Variants in TNRC18 observed in about 807,000 individuals in gnomAD.
TNRC18 encodes trinucleotide repeat containing 18, also known as trinucleotide repeat-containing gene 18 protein.
A neutral mutation model predicts 226.7 loss-of-function variants in TNRC18; 69 were observed. The observed-to-expected ratio is 0.30, with a 90% CI of 0.25 to 0.37. The LOEUF (loss-of-function observed/expected upper bound fraction) is 0.37, where lower values mean the gene tolerates loss of function less well. Among genes scored for constraint, TNRC18 ranks in the 10% least tolerant of loss-of-function variants. The pLI is 1.00. For missense variants in TNRC18, 4,754 were observed against 4,256.6 expected (o/e 1.12, Z -3.25); for synonymous variants, 2,449 against 1,927.6 (o/e 1.27, Z -7.09).
chr7:5,361,834 C>T (rs1053544565), intron 13 of TNRC18, 63 bp downstream of exon 13: 70 of 1,508,108 alleles, frequency 4.6e-5, no homozygotes, highest in East Asian at 2.5e-5. Flanking sequence ...ACGGCTGCTG[C>T]GCGCCTGGGG....
chr7:5,405,399 T>C (rs1045607973), intron 2 of TNRC18, among the ~76,000 whole-genome samples: 6 of 152,066 alleles, frequency 3.9e-5, no homozygotes, highest in African/African-American at 1.2e-4. Context: ...TAAAACCCTG[T>C]CTCTACTAAA....
chr7:5,310,216 A>T (rs1787035214), intron 27 of TNRC18, among the ~76,000 whole-genome samples: 1 of 140,190 alleles, frequency 7.1e-6, no homozygotes, highest in Non-Finnish European at 1.5e-5. Flanking sequence ...TTTATCTTTT[A>T]AAAAATAGTT....
chr7:5,371,216 G>C lies in TNRC18; in HGVS notation c.3378C>G (p.Leu1126=), dbSNP rs201047564. The change falls in exon 11 of 30, where the codon CTC becomes CTG. Residue 1126 remains leucine (L), a synonymous_variant. Transcript: ENST00000430969. ...LPADGPERLA[L]SPEDKPIRLS... ...AGCGGATGGGCTTGTCTTCGGGTGA[G>C]AGTGCCAGGCGCTCGGGCCCATCAG... The C allele has an allele frequency of 2.6e-4, 415 of 1,606,166 alleles. No homozygotes were observed. Among genetic ancestry groups the C allele is most frequent in the Non-Finnish European group, 3.3e-4 (390 of 1,174,872 alleles).
chr7:5,395,466 G>C (rs1246897438), intron 2 of TNRC18, among the ~76,000 whole-genome samples: 1 of 152,234 alleles, frequency 6.6e-6, no homozygotes, highest in Non-Finnish European at 1.5e-5. Flanking sequence ...GCCCACATCG[G>C]ACAGGGTGCC....
At chr7:5,393,376 G>C (rs899151387) in intron 3 of TNRC18, among the ~76,000 whole-genome samples, 1 of 152,250 alleles carries the variant, frequency 6.6e-6, no homozygotes, top group Admixed American at 6.5e-5. Flanking sequence ...TGTACAATGG[G>C]CAAAGTACTG....
chr7:5,337,244 A>G (rs1488027957), intron 18 of TNRC18, among the ~76,000 whole-genome samples: 1 of 152,174 alleles, frequency 6.6e-6, no homozygotes, highest in East Asian at 1.9e-4. Flanking sequence ...AAGAAAAAAA[A>G]AAAACTGTCA....
chr7:5,360,396 A>AT, intron 14 of TNRC18, among the ~76,000 whole-genome samples: 1 of 151,734 alleles, frequency 6.6e-6, no homozygotes, highest in East Asian at 1.9e-4. Flanking sequence ...CACCTGGCTA[A>AT]TTTTTGTATT....
chr7:5,323,715 C>T (rs1347950475), intron 21 of TNRC18, among the ~76,000 whole-genome samples: 1 of 151,956 alleles, frequency 6.6e-6, no homozygotes, highest in Non-Finnish European at 1.5e-5. Flanking sequence ...TTACAGGCGC[C>T]CGCCACCACA....
rs537064724 is a variant in TNRC18, at chr7:5,321,053, G to A, written c.6560+20C>T. On this transcript the variant is annotated intron_variant, in intron 22 of 29. Coordinates refer to ENST00000430969, the MANE Select transcript of TNRC18 (RefSeq NM_001080495.3). ...GGTATGGGACACGGGGCTCTGTGCC[G>A]GACCTCCCACCCCACTCACATGTCT... is the stretch of plus-strand genomic sequence containing the variant. 1.7e-4 allele frequency: 251 copies of A among 1,513,784 alleles called. No individual in the cohort carries two copies. The highest frequency in any genetic ancestry group is 7.2e-4 in the African/African-American group (52 of 72,436). 93.8% of individuals were successfully genotyped at this position (1,513,784 alleles called of 1,614,324 possible).
rs60530083 is a variant in TNRC18, at chr7:5,377,462, G to T, written c.2370C>A (p.Arg790=). 9.0e-3 allele frequency: 14,184 copies of T among 1,578,652 alleles called. 293 individuals are homozygous for T. The highest frequency in any genetic ancestry group is 0.057 in the South Asian group (4,895 of 86,500). Residue 790 remains arginine (R), a synonymous_variant, in exon 7 of 30, where the codon CGC becomes CGA. Coordinates refer to ENST00000430969, the MANE Select transcript of TNRC18 (RefSeq NM_001080495.3). The surrounding 1 kb of genome is among the most constrained non-coding windows in gnomAD (Gnocchi z 5.8). ...GATGGGCTGCGGGGTCGGCAGACCA[G>T]CGACCTGAGCCCGCCAGCGCCGGGC... ...TGGPALAGSG[R]WSADPAAHLA...
intron 15 of TNRC18, among the ~76,000 whole-genome samples, chr7:5,358,584 T>C (rs927691023): frequency 1.3e-5 from 2 of 152,004 alleles, no homozygotes; most frequent in African/African-American, 4.8e-5. Context: ...GAGGCTGAGG[T>C]AGGCAGATCA....
intron 19 of TNRC18, among the ~76,000 whole-genome samples, chr7:5,330,434 C>T (rs1789406342): frequency 6.7e-6 from 1 of 149,424 alleles, no homozygotes; most frequent in South Asian, 2.1e-4. Context: ...TTGGTAGAGG[C>T]AGGGTCTTGC....
chr7:5,370,547 C>T lies in TNRC18; in HGVS notation c.4047G>A (p.Ala1349=), dbSNP rs180705972. 1.3e-3 allele frequency: 2,156 copies of T among 1,607,598 alleles called. 50 individuals carry two copies. The Admixed American group carries it at 0.033, about 25-fold the overall frequency. Residue 1349 remains alanine (A), a synonymous_variant, in exon 11 of 30, where the codon GCG becomes GCA. Transcript: ENST00000430969. ...LAGMNALAAA[A]ELPQARPLPS... ...GCAGAGGCCTGGCCTGGGGCAGCTC[C>T]GCAGCTGCCGCCAGGGCGTTCATGC...
At chr7:5,355,403 GGATCTCTTGA>G (rs1484870866) in intron 16 of TNRC18, among the ~76,000 whole-genome samples, 1 of 152,128 alleles carries the variant, frequency 6.6e-6, no homozygotes, top group African/African-American at 2.4e-5. Flanking sequence ...TGAGGCAGGA[GGATCTCTTGA>G]TCCCAGGAGT....
In TNRC18 at chr7:5,345,689, C is replaced by G. The variant is rs749660533; in HGVS notation, c.5592G>C (p.Gly1864=). 4 of 1,549,666 alleles carry G rather than the reference C, an allele frequency of 2.6e-6. No homozygotes were observed. Among genetic ancestry groups the G allele is most frequent in the Non-Finnish European group, 3.5e-6 (4 of 1,146,970 alleles). Residue 1864 remains glycine, a synonymous_variant, in exon 18 of 30, where the codon GGG becomes GGC. Coordinates refer to ENST00000430969, the MANE Select transcript of TNRC18 (RefSeq NM_001080495.3). ...CGGCGAAGCGTGCCAGCAGGCCCAG[C>G]CCACTCTCCTCCAGGCCCGGTGACA... The part of the protein sequence containing the change: ...RALSPGLEES[G]LGLLARFAAS...
chr7:5,404,438 T>G (rs533059179), intron 2 of TNRC18, among the ~76,000 whole-genome samples: 66 of 152,240 alleles, frequency 4.3e-4, no homozygotes, highest in Admixed American at 1.0e-3. Flanking sequence ...CCATCGAAAT[T>G]TCAAGGCCAT....
intron 14 of TNRC18, among the ~76,000 whole-genome samples, chr7:5,360,170 A>G (rs1311226232): frequency 6.6e-6 from 1 of 151,958 alleles, no homozygotes; most frequent in Non-Finnish European, 1.5e-5. Flanking sequence ...TAGTGGCTTT[A>G]TATTTTGGCC....
chr7:5,308,774 T>G (rs1053816821), intron 29 of TNRC18, 101 bp downstream of exon 29: 13 of 1,324,994 alleles, frequency 9.8e-6, no homozygotes, highest in Non-Finnish European at 1.3e-5. Context: ...AGGGAGACCA[T>G]GGGGGACAGA....
rs564727442 is a variant in TNRC18 at position 5,308,986 on chromosome 7, G to A, written c.8626-37C>T. ...AGAGAGGAGGGGCTTGGGTGAGCCC[G>A]GGGGCTGCTGCACCCGACCCCAGGC... On this transcript the variant is annotated intron_variant, in intron 28 of 29. Coordinates refer to ENST00000430969, the MANE Select transcript of TNRC18 (RefSeq NM_001080495.3). The A allele has an allele frequency of 3.9e-4, 616 of 1,570,686 alleles. 2 individuals are homozygous for A. The African/African-American group carries it at 7.3e-3, about 19-fold the overall frequency.
Sources: allele counts gnomAD v4.1 joint callset (sites outside exome capture counted in the v4.1 genomes callset), GRCh38; gene constraint gnomAD v4.1.1; non-coding constraint Gnocchi (gnomAD v3.1); transcripts MANE v1.5; gene names NCBI Gene and HGNC (gene_info 2026-07-23, HGNC 2026-07-21).